Variants in SLC4A8 observed in about 807,000 individuals in gnomAD.
The protein encoded by SLC4A8 is solute carrier family 4 member 8.
In SLC4A8, 40 loss-of-function variants were observed where a neutral mutation model predicts 125.0. The observed-to-expected ratio is 0.32, with a 90% confidence interval of 0.25 to 0.42. The LOEUF (loss-of-function observed/expected upper bound fraction) is 0.42. Ranked by LOEUF, SLC4A8 falls within the 10% of genes least tolerant of loss-of-function variation. The probability of loss-of-function intolerance (pLI) is 1.00; values close to 1 mark genes in which losing one functional copy is unlikely to be tolerated. For missense variants in SLC4A8, 863 were observed against 1,355.1 expected (o/e 0.64, Z 5.70); for synonymous variants, 456 against 476.0 (o/e 0.96, Z 0.55).
intron 1 of SLC4A8, among the ~76,000 whole-genome samples, chr12:51,400,058 T>G (rs1156312813): frequency 6.6e-6 from 1 of 150,912 alleles, no homozygotes; most frequent in East Asian, 1.9e-4. Flanking sequence ...TCCTCCTGGG[T>G]GTGGTGGGTG....
chr12:51,442,501 G>A (rs547866177), intron 2 of SLC4A8, among the ~76,000 whole-genome samples: 1 of 152,328 alleles, frequency 6.6e-6, no homozygotes, highest in African/African-American at 2.4e-5. Context: ...ACGGAGATCA[G>A]CTGAGTAACT....
intron 1 of SLC4A8, among the ~76,000 whole-genome samples, chr12:51,401,555 T>G (rs890308651): frequency 6.6e-6 from 1 of 152,314 alleles, no homozygotes; most frequent in African/African-American, 2.4e-5. Context: ...CACCAGTGTA[T>G]TCCTCTCGAT....
intron 1 of SLC4A8, among the ~76,000 whole-genome samples, chr12:51,427,570 G>A (rs1949035596): frequency 6.6e-6 from 1 of 152,172 alleles, no homozygotes; most frequent in East Asian, 1.9e-4. Context: ...GGGAGGAAAA[G>A]AGAATGAGGG....
intron 16 of SLC4A8, among the ~76,000 whole-genome samples, chr12:51,477,146 C>G (rs556296046): frequency 6.6e-6 from 1 of 151,962 alleles, no homozygotes; most frequent in Non-Finnish European, 1.5e-5. Context: ...TCAGGTGATC[C>G]GCCTGCCTCA....
In SLC4A8 at chr12:51,475,055, A is replaced by C. The variant is rs756822606; in HGVS notation, c.2021A>C (p.Glu674Ala). 6.2e-7 allele frequency: 1 copy of C among 1,612,744 alleles called. No individual in the cohort carries two copies. Among genetic ancestry groups the C allele is most frequent in the South Asian group, 1.1e-5 (1 of 90,646 alleles). ...TGCTTATTCCTCCAGGAATGCCAGG[A>C]GATGCATGGAGAGTTCATGGGATCT... The part of the protein sequence containing the change: ...WANLTVSECQ[E>A]MHGEFMGSAC... Residue 674 changes from glutamate (E) to alanine (A), a missense_variant, in exon 16 of 25, where the codon GAG (glutamate) becomes GCG (alanine). Physicochemically the swap from Glu to Ala is moderately radical, Grantham distance 107. This residue lies in a region of SLC4A8 where 197 missense variants were observed against 377.7 expected (regional missense o/e 0.52). Coordinates refer to ENST00000453097, the MANE Select transcript of SLC4A8 (RefSeq NM_001039960.3).
chr12:51,486,255 G>A (rs1032408582), intron 17 of SLC4A8, among the ~76,000 whole-genome samples: 4 of 152,070 alleles, frequency 2.6e-5, no homozygotes, highest in Non-Finnish European at 5.9e-5. Context: ...AACAAGCCTC[G>A]TTAACAGCAC....
upstream of SLC4A8, among the ~76,000 whole-genome samples, chr12:51,423,282 G>A (rs1469280830): frequency 6.6e-6 from 1 of 152,194 alleles, no homozygotes; most frequent in Non-Finnish European, 1.5e-5. Context: ...ATTCTGGGGA[G>A]GGTGAGATGA....
intron 17 of SLC4A8, among the ~76,000 whole-genome samples, chr12:51,486,252 C>G (rs1951159359): frequency 6.6e-6 from 1 of 152,020 alleles, no homozygotes; most frequent in Non-Finnish European, 1.5e-5. Context: ...TGGAACAAGC[C>G]TCGTTAACAG....
At chr12:51,453,828 C>A in intron 5 of SLC4A8, 129 bp downstream of exon 5, 1 of 759,216 alleles carries the variant, frequency 1.3e-6, no homozygotes, top group Non-Finnish European at 2.1e-6. Context: ...ACCTTCCTGG[C>A]CTCAATGTCC....
At chr12:51,407,924 C>G (rs1948520582) in intron 1 of SLC4A8, 1 of 152,556 alleles carries the variant, frequency 6.6e-6, no homozygotes, top group Non-Finnish European at 1.5e-5. Flanking sequence ...TTCCTTACCT[C>G]TTCCTGGCGC....
chr12:51,493,427 T>G (rs1231453352), intron 19 of SLC4A8, among the ~76,000 whole-genome samples: 1 of 152,070 alleles, frequency 6.6e-6, no homozygotes, highest in African/African-American at 2.4e-5. Context: ...TGTGTATGTG[T>G]GCCCATCCCC....
intron 11 of SLC4A8, among the ~76,000 whole-genome samples, chr12:51,468,351 A>G (rs1354996055): frequency 2.6e-5 from 4 of 152,214 alleles, no homozygotes; most frequent in African/African-American, 9.6e-5. Context: ...TCTATGCTCC[A>G]TTCATTATAC....
intron 5 of SLC4A8, 46 bp downstream of exon 5, chr12:51,453,745 A>G (rs1404524759): frequency 5.1e-6 from 8 of 1,575,378 alleles, no homozygotes; most frequent in Non-Finnish European, 6.9e-6. Context: ...TATAAATTTA[A>G]GAAGTGTGGG....
At chr12:51,455,454 G>A (rs1950117086) in intron 5 of SLC4A8, among the ~76,000 whole-genome samples, 3 of 152,170 alleles carry the variant, frequency 2.0e-5, no homozygotes, top group Admixed American at 2.0e-4. Flanking sequence ...GAGAATTAAA[G>A]ACTTTAAAAT....
rs779319551 is a variant in SLC4A8 at position 51,462,322 on chromosome 12, G to A, written c.1114G>A (p.Val372Ile). 7 of 1,613,664 alleles carry A rather than the reference G, an allele frequency of 4.3e-6. No homozygotes were observed. The highest frequency in any genetic ancestry group is 2.2e-5 in the East Asian group (1 of 44,858). Residue 372 changes from valine to isoleucine, a missense_variant, in exon 10 of 25, where the codon GTA becomes ATA. Physicochemically the swap from Val to Ile is conservative, Grantham distance 29. This residue lies in a region of SLC4A8 where 390 missense variants were observed against 634.4 expected (regional missense o/e 0.61). Coordinates refer to ENST00000453097, the MANE Select transcript of SLC4A8 (RefSeq NM_001039960.3). ...CTCTTCTCTGTAGATTTTTCATGACGTAGCATATAAGGCAAAAGAGCGAGA... is the reference window on the plus strand; with the variant it reads ...CTCTTCTCTGTAGATTTTTCATGACATAGCATATAAGGCAAAAGAGCGAGA... ...TIMTDEIFHD[V>I]AYKAKERDDL...
At chr12:51,499,615 C>T in intron 22 of SLC4A8, among the ~76,000 whole-genome samples, 1 of 106,716 alleles carries the variant, frequency 9.4e-6, no homozygotes, top group East Asian at 3.0e-4. Flanking sequence ...GGTTATAGTG[C>T]TATAATTCTA....
At position 51,469,617 on chromosome 12, in the gene SLC4A8, A is replaced by G. The variant is rs775010108; in HGVS notation, c.1353A>G (p.Leu451=). The change falls in exon 12 of 25, where the codon CTA becomes CTG. Residue 451 remains leucine, a synonymous_variant. Transcript: ENST00000453097. ...CCTGTCTGTTGTGTTTCCACAGGCT[A>G]TTTGGGGGCTTGGTGCTGGACATCA... ...SGPELQRTGR[L]FGGLVLDIKR... The G allele has an allele frequency of 5.3e-5, 86 of 1,613,054 alleles. No homozygotes were observed. Among genetic ancestry groups the G allele is most frequent in the Non-Finnish European group, 7.1e-5 (84 of 1,179,850 alleles).
intron 16 of SLC4A8, among the ~76,000 whole-genome samples, chr12:51,479,408 T>TGG (rs1950951431): frequency 1.3e-5 from 2 of 152,210 alleles, no homozygotes; most frequent in South Asian, 4.2e-4. Flanking sequence ...ACAAAGGGGC[T>TGG]GTGTGCGGTG....
intron 1 of SLC4A8, among the ~76,000 whole-genome samples, chr12:51,401,183 G>A (rs1420550586): frequency 6.6e-6 from 1 of 152,072 alleles, no homozygotes; most frequent in Non-Finnish European, 1.5e-5. Flanking sequence ...AGCCCCAGTG[G>A]GCGTGTGCTA....
Sources: allele counts gnomAD v4.1 joint callset (sites outside exome capture counted in the v4.1 genomes callset), GRCh38; gene constraint gnomAD v4.1.1; regional missense constraint gnomAD v4.1.1; transcripts MANE v1.5; gene names NCBI Gene and HGNC (gene_info 2026-07-23, HGNC 2026-07-21).